The following TXNDC5 variants were observed in gnomAD, a reference collection of about 807,000 sequenced individuals.
TXNDC5 encodes the protein thioredoxin domain containing 5, also known as thioredoxin domain-containing protein 5.
TXNDC5 carries 44 observed loss-of-function variants against 52.6 expected under a neutral mutation model. That is an observed-to-expected ratio of 0.84 (90% CI 0.66 to 1.08). The LOEUF is 1.08. TXNDC5 is among the 50% of genes least tolerant of loss of function. TXNDC5 has a pLI of 0.00. For missense variants in TXNDC5, 600 were observed against 565.5 expected (o/e 1.06, Z -0.62); for synonymous variants, 241 against 234.4 (o/e 1.03, Z -0.26).
At chr6:7,902,760 A>G (rs756427951) in intron 2 of TXNDC5, among the ~76,000 whole-genome samples, 6 of 152,000 alleles carry the variant, frequency 3.9e-5, no homozygotes, top group Non-Finnish European at 8.8e-5. Context: ...GTTCTTTTTA[A>G]TAACACAAAA....
At chr6:7,885,888 G>A in intron 8 of TXNDC5, 73 bp downstream of exon 8, 1 of 1,378,146 alleles carries the variant, frequency 7.3e-7, no homozygotes, top group Non-Finnish European at 1.0e-6. Flanking sequence ...TGGAGGGGTG[G>A]CAGATGAGCT....
chr6:7,899,721 G>A (rs1229887082), intron 2 of TXNDC5, 40 bp from the exon 3 acceptor site: 1 of 1,565,868 alleles, frequency 6.4e-7, no homozygotes, highest in Non-Finnish European at 8.7e-7. Context: ...CAAAAAGAAA[G>A]TTGTCTTATC....
Position 7,882,879 on chromosome 6 carries a change from A to C in TXNDC5, c.*265T>G. 3.0e-6 allele frequency: 1 copy of C among 331,386 alleles called. No homozygotes were observed. The highest frequency in any genetic ancestry group is 5.5e-6 in the Non-Finnish European group (1 of 182,796). 20.5% of individuals were successfully genotyped at this position (331,386 alleles called of 1,614,324 possible). ...CAAAGGAAACCATGTAAATTTCATC[A>C]AGAGAAGGTCAAAGGGGATATATCG... On this transcript the variant is annotated 3_prime_UTR_variant, in exon 10 of 10. Coordinates refer to ENST00000379757, the MANE Select transcript of TXNDC5 (RefSeq NM_030810.5).
intron 1 of TXNDC5, 72 bp downstream of exon 1, chr6:7,910,442 C>T (rs1294050502): frequency 6.3e-6 from 8 of 1,271,520 alleles, no homozygotes; most frequent in Non-Finnish European, 6.0e-6. Context: ...ACCCCCCGCC[C>T]GCGGCGCCCA....
chr6:7,890,150 T>C (rs1225669817), intron 5 of TXNDC5, among the ~76,000 whole-genome samples: 2 of 152,242 alleles, frequency 1.3e-5, no homozygotes, highest in Non-Finnish European at 2.9e-5. Flanking sequence ...AGCACAGCTC[T>C]TCAAGCTTTT....
chr6:7,899,521 TAGGC>T (rs1297497858), intron 3 of TXNDC5, 51 bp downstream of exon 3: 3 of 1,171,164 alleles, frequency 2.6e-6, no homozygotes, highest in Non-Finnish European at 3.4e-6. Flanking sequence ...CCCAAAGATG[TAGGC>T]AGGGAGAGAG....
At chr6:7,886,075 A>G in intron 7 of TXNDC5, 32 bp from the exon 8 acceptor site, 1 of 1,597,704 alleles carries the variant, frequency 6.3e-7, no homozygotes, top group Non-Finnish European at 8.6e-7. Flanking sequence ...CAGTTCAAGT[A>G]CATCCCTTAA....
intron 2 of TXNDC5, among the ~76,000 whole-genome samples, chr6:7,901,206 A>G (rs1310707279): frequency 6.6e-6 from 1 of 152,164 alleles, no homozygotes; most frequent in African/African-American, 2.4e-5. Context: ...GTTCAACATG[A>G]TAAGCAACTG....
At chr6:7,884,325 G>A (rs368047584) in intron 9 of TXNDC5, 34 bp downstream of exon 9, 23 of 1,612,866 alleles carry the variant, frequency 1.4e-5, no homozygotes, top group Non-Finnish European at 1.7e-5. Context: ...CCCCCATACT[G>A]AGAGCTCCCA....
chr6:7,882,704 G>C lies in TXNDC5; in HGVS notation c.*440C>G, dbSNP rs959800373. On this transcript the variant is annotated 3_prime_UTR_variant, in exon 10 of 10. Transcript: ENST00000379757. ...TGAGTCAACTGTGACCTTAAGATCAGAGGAACGTCAATACTGCCACAAGGC... is the reference window on the plus strand; with the variant it reads ...TGAGTCAACTGTGACCTTAAGATCACAGGAACGTCAATACTGCCACAAGGC... 1 of 178,522 alleles carries C rather than the reference G, an allele frequency of 5.6e-6. No individual in the cohort carries two copies. The highest frequency in any genetic ancestry group is 5.5e-5 in the Admixed American group (1 of 18,310). 11.1% of individuals were successfully genotyped at this position (178,522 alleles called of 1,614,324 possible).
At chr6:7,892,858 C>T (rs558702445) in intron 4 of TXNDC5, among the ~76,000 whole-genome samples, 9 of 152,316 alleles carry the variant, frequency 5.9e-5, no homozygotes, top group African/African-American at 1.2e-4. Flanking sequence ...GCAGTGAAAA[C>T]GGACTAATAC....
At chr6:7,890,781 C>T (rs916290176) in intron 5 of TXNDC5, among the ~76,000 whole-genome samples, 3 of 152,216 alleles carry the variant, frequency 2.0e-5, no homozygotes, top group Non-Finnish European at 4.4e-5. Context: ...AAGCAGTGTA[C>T]TTTCATCTGC....
intron 4 of TXNDC5, among the ~76,000 whole-genome samples, chr6:7,892,129 A>G (rs1262055913): frequency 1.3e-5 from 2 of 152,248 alleles, no homozygotes; most frequent in Non-Finnish European, 2.9e-5. Flanking sequence ...TGGCAGCCCT[A>G]AGGAATGGAC....
chr6:7,891,776 A>C (rs760253152), intron 4 of TXNDC5, 40 bp from the exon 5 acceptor site: 1 of 1,442,804 alleles, frequency 6.9e-7, no homozygotes, highest in Non-Finnish European at 9.7e-7. Context: ...GGAAAGAGGA[A>C]CTGTAATTTA....
intron 2 of TXNDC5, among the ~76,000 whole-genome samples, chr6:7,903,313 G>A (rs1760630756): frequency 6.6e-6 from 1 of 152,168 alleles, no homozygotes. Context: ...CCATTGATCT[G>A]ATTTAAAGTA....
At chr6:7,894,498 G>A (rs1243587549) in intron 4 of TXNDC5, among the ~76,000 whole-genome samples, 1 of 152,108 alleles carries the variant, frequency 6.6e-6, no homozygotes, top group African/African-American at 2.4e-5. Flanking sequence ...GATACTGTGG[G>A]TTTGGTTCCA....
intron 6 of TXNDC5, 169 bp from the exon 7 acceptor site, chr6:7,889,017 G>A: frequency 1.2e-6 from 1 of 843,774 alleles, no homozygotes; most frequent in Non-Finnish European, 1.7e-6. Context: ...ATAACTGAAT[G>A]CCTCGGCTTT....
At chr6:7,910,297 G>A (rs1455579016) in intron 1 of TXNDC5, among the ~76,000 whole-genome samples, 1 of 149,452 alleles carries the variant, frequency 6.7e-6, no homozygotes, top group Non-Finnish European at 1.5e-5. Context: ...GCCAGCCGGA[G>A]CCCCGAACCC....
At chr6:7,890,355 C>A (rs1011145409) in intron 5 of TXNDC5, among the ~76,000 whole-genome samples, 3 of 152,086 alleles carry the variant, frequency 2.0e-5, no homozygotes, top group Admixed American at 6.5e-5. Context: ...AGCTAAGGTG[C>A]GGAACTGAAG....
Sources: gnomAD v4.1 joint callset for allele counts (sites outside exome capture counted in the v4.1 genomes callset) on GRCh38, gnomAD v4.1.1 for gene constraint, MANE v1.5 for transcripts, NCBI Gene and HGNC (gene_info 2026-07-23, HGNC 2026-07-21) for gene names.